Variants in GFPT2 observed in about 807,000 individuals in gnomAD.
GFPT2 encodes glutamine--fructose-6-phosphate aminotransferase [isomerizing] 2.
GFPT2 carries 62 observed loss-of-function variants against 85.6 expected under a neutral mutation model. The ratio of observed to expected loss-of-function variants is 0.72; its 90% confidence interval spans 0.59 to 0.90. The LOEUF is 0.90. GFPT2 is among the 40% of genes least tolerant of loss of function. The pLI is 0.00. For missense variants in GFPT2, 788 were observed against 893.4 expected (o/e 0.88, Z 1.50); for synonymous variants, 368 against 344.5 (o/e 1.07, Z -0.75).
chr5:180,333,303 C>A (rs1213186543), intron 4 of GFPT2, among the ~76,000 whole-genome samples: 1 of 151,796 alleles, frequency 6.6e-6, no homozygotes, highest in African/African-American at 2.4e-5. Context: ...GGCGCGAGCT[C>A]GGCTCACTGC....
intron 15 of GFPT2, among the ~76,000 whole-genome samples, chr5:180,311,681 A>T (rs1763883724): frequency 6.6e-6 from 1 of 151,726 alleles, no homozygotes. Flanking sequence ...CCGACATGTT[A>T]GTTGGGGGAG....
chr5:180,316,353 T>C lies in GFPT2; in HGVS notation c.1261A>G (p.Ile421Val), dbSNP rs1193583737. The C allele has an allele frequency of 1.1e-5, 17 of 1,614,112 alleles. No homozygotes were observed. The highest frequency in any genetic ancestry group is 1.4e-5 in the Non-Finnish European group (16 of 1,179,988). The change falls in exon 13 of 19, where the codon ATC becomes GTC. Residue 421 changes from isoleucine to valine, a missense_variant. Ile to Val is a conservative substitution (Grantham distance 29). Coordinates refer to ENST00000253778, the MANE Select transcript of GFPT2 (RefSeq NM_005110.4). ...PVFRDDVCFF[I>V]SQSGETADTL... ...CTGTGTCCCTTACCTGACTGGCTGA[T>C]GAAAAAGCAAACGTCATCCCTGAAC...
intron 1 of GFPT2, 51 bp downstream of exon 1, chr5:180,353,160 G>C: frequency 8.1e-7 from 1 of 1,227,144 alleles, no homozygotes; most frequent in Non-Finnish European, 1.0e-6. Context: ...CTGCGGCGCC[G>C]GGACCCGCGG....
intron 9 of GFPT2, 99 bp downstream of exon 9, chr5:180,324,089 G>A (rs1043526512): frequency 3.7e-5 from 28 of 758,674 alleles, no homozygotes; most frequent in East Asian, 1.5e-4. Context: ...GCTGAGCCAC[G>A]ATAGCTCACA....
At chr5:180,346,540 C>T (rs1453410894) in intron 1 of GFPT2, among the ~76,000 whole-genome samples, 4 of 152,208 alleles carry the variant, frequency 2.6e-5, no homozygotes, top group Non-Finnish European at 2.9e-5. Flanking sequence ...TTCTCTGCCC[C>T]GCGGGCCCAC....
At chr5:180,313,527 T>C (rs190440456) in intron 14 of GFPT2, among the ~76,000 whole-genome samples, 1,679 of 150,814 alleles carry the variant, frequency 0.011, 39 homozygotes, top group African/African-American at 0.039. Context: ...GAGGCGGAGC[T>C]TGCAGTGAGC....
chr5:180,305,983 CT>C (rs59887076), intron 16 of GFPT2, among the ~76,000 whole-genome samples: 73,868 of 138,548 alleles, frequency 0.53, 19,917 homozygotes, highest in East Asian at 0.73. Context: ...TTCTTTCTTT[CT>C]TTTTTTTTTT....
At chr5:180,320,234 C>T (rs1005490857) in intron 9 of GFPT2, among the ~76,000 whole-genome samples, 1 of 152,036 alleles carries the variant, frequency 6.6e-6, no homozygotes, top group African/African-American at 2.4e-5. Flanking sequence ...CCTCGTGATC[C>T]GCCCGCCTCG....
In GFPT2 at chr5:180,323,416, C is replaced by T. The variant is rs1357015467; in HGVS notation, c.794+772G>A. 6.6e-6 allele frequency among the ~76,000 whole-genome samples: 1 copy of T among 152,102 alleles called. No homozygotes were observed. Among genetic ancestry groups the T allele is most frequent in the Non-Finnish European group, 1.5e-5 (1 of 68,024 alleles). ...AGAGGCTGGTCGGGAAAGAGAAAACCCATCAAGAATGGAAACATAACAAAG... is the reference window on the plus strand; with the variant it reads ...AGAGGCTGGTCGGGAAAGAGAAAACTCATCAAGAATGGAAACATAACAAAG... On this transcript the variant is annotated intron_variant, in intron 9 of 18. Transcript: ENST00000253778. The surrounding 1 kb of genome is among the most constrained non-coding windows in gnomAD (Gnocchi z 4.0).
At chr5:180,336,389 G>A in intron 3 of GFPT2, 90 bp downstream of exon 3, 2 of 804,418 alleles carry the variant, frequency 2.5e-6, no homozygotes, top group Non-Finnish European at 4.5e-6. Flanking sequence ...GGACAAAGGA[G>A]AATCTCCATT....
intron 1 of GFPT2, among the ~76,000 whole-genome samples, chr5:180,350,572 C>A (rs1764694174): frequency 6.6e-6 from 1 of 152,184 alleles, no homozygotes. Flanking sequence ...CTTCGAGTCC[C>A]CCAGGGCCTG....
chr5:180,341,464 G>A (rs954907579), intron 1 of GFPT2, among the ~76,000 whole-genome samples: 1 of 152,274 alleles, frequency 6.6e-6, no homozygotes, highest in South Asian at 2.1e-4. Flanking sequence ...AGTGAGTGGG[G>A]TCCCATCATA....
At chr5:180,309,925 C>G (rs1369920388) in intron 15 of GFPT2, among the ~76,000 whole-genome samples, 3 of 151,766 alleles carry the variant, frequency 2.0e-5, no homozygotes, top group African/African-American at 7.3e-5. Context: ...ATTCTTCTGC[C>G]TCAGCCCCCC....
At chr5:180,315,225 T>G (rs900365812) in intron 13 of GFPT2, among the ~76,000 whole-genome samples, 42 of 151,772 alleles carry the variant, frequency 2.8e-4, no homozygotes, top group Middle Eastern at 3.4e-3. Flanking sequence ...TCGCCCAGGC[T>G]GGAGTGCAGT....
chr5:180,336,034 C>A, intron 3 of GFPT2, 81 bp from the exon 4 acceptor site: 1 of 1,395,502 alleles, frequency 7.2e-7, no homozygotes, highest in Non-Finnish European at 9.6e-7. Flanking sequence ...GGTGTCGTTA[C>A]CCAAGTCACG....
chr5:180,344,632 C>T (rs1010100645), intron 1 of GFPT2, among the ~76,000 whole-genome samples: 6 of 152,176 alleles, frequency 3.9e-5, no homozygotes, highest in African/African-American at 1.2e-4. Flanking sequence ...AGTGACCGTG[C>T]GGCACCTGGG....
At chr5:180,344,779 T>C (rs976037546) in intron 1 of GFPT2, among the ~76,000 whole-genome samples, 6 of 152,288 alleles carry the variant, frequency 3.9e-5, no homozygotes, top group African/African-American at 1.4e-4. Context: ...CCAGGCCTTC[T>C]TGCCCCTCGA....
intron 4 of GFPT2, among the ~76,000 whole-genome samples, chr5:180,334,379 G>C (rs1764360074): frequency 6.6e-6 from 1 of 152,218 alleles, no homozygotes; most frequent in South Asian, 2.1e-4. Context: ...TGCACTTTCT[G>C]TGGGTGGTGG....
chr5:180,309,443 G>A (rs530818198), intron 15 of GFPT2, among the ~76,000 whole-genome samples: 2 of 145,994 alleles, frequency 1.4e-5, no homozygotes, highest in African/African-American at 4.9e-5. Flanking sequence ...TTTTCCAGAC[G>A]GAGTTTTGCT....
Sources: allele counts gnomAD v4.1 joint callset (sites outside exome capture counted in the v4.1 genomes callset), GRCh38; gene constraint gnomAD v4.1.1; non-coding constraint Gnocchi (gnomAD v3.1); transcripts MANE v1.5; gene names NCBI Gene and HGNC (gene_info 2026-07-23, HGNC 2026-07-21).